Variants in ARRB1 observed in about 807,000 individuals in gnomAD.
ARRB1 encodes the protein arrestin beta 1, also known as beta-arrestin-1.
Under a neutral mutation model 56.8 loss-of-function variants are expected in ARRB1, and 21 were observed. The observed-to-expected ratio is 0.37, with a 90% CI of 0.26 to 0.53. The LOEUF (loss-of-function observed/expected upper bound fraction) is 0.53, where lower values mean the gene tolerates loss of function less well. Ranked by LOEUF, ARRB1 falls within the 20% of genes least tolerant of loss-of-function variation. ARRB1 has a pLI of 0.88. For missense variants in ARRB1, 424 were observed against 553.7 expected (o/e 0.77, Z 2.35); for synonymous variants, 210 against 218.6 (o/e 0.96, Z 0.35).
At chr11:75,350,964 G>T (rs867134901) in intron 1 of ARRB1, among the ~76,000 whole-genome samples, 1 of 152,194 alleles carries the variant, frequency 6.6e-6, no homozygotes. Context: ...GTGGCCTTGC[G>T]CTCCGCTGTG....
At chr11:75,286,150 T>C (rs1946466432) in intron 3 of ARRB1, among the ~76,000 whole-genome samples, 2 of 151,540 alleles carry the variant, frequency 1.3e-5, no homozygotes, top group Non-Finnish European at 2.9e-5. Flanking sequence ...CCGGGCTCGC[T>C]TCCTTGGCTC....
Position 75,284,393 on chromosome 11 carries a change from G to A in ARRB1, c.113-114C>T, listed in dbSNP as rs1457003988. On this transcript the variant is annotated intron_variant, in intron 3 of 15. Transcript: ENST00000420843. ...CCATCTGTTCATCTAAAATCATCCT[G>A]AGAAAAATGGAAAGGCGGGCACCTA... 9.0e-6 allele frequency: 10 copies of A among 1,107,450 alleles called. No individual in the cohort carries two copies. In the African/African-American group the frequency reaches 1.2e-4, roughly 14 times the overall value. The allele number at this position is 1,107,450 out of a possible 1,614,324, so 68.6% of individuals were successfully genotyped here.
chr11:75,289,647 T>TC (rs1946558555), intron 2 of ARRB1, among the ~76,000 whole-genome samples: 2 of 152,054 alleles, frequency 1.3e-5, no homozygotes, highest in African/African-American at 4.8e-5. Flanking sequence ...GCTAAGGAGG[T>TC]GACGCTAGGG....
intron 1 of ARRB1, among the ~76,000 whole-genome samples, chr11:75,324,725 C>T (rs978985888): frequency 1.3e-5 from 2 of 152,216 alleles, no homozygotes; most frequent in Non-Finnish European, 2.9e-5. Context: ...GGCCCCTTCC[C>T]TTTCTGCTGC....
chr11:75,330,391 T>G (rs1947503414), intron 1 of ARRB1, among the ~76,000 whole-genome samples: 1 of 144,592 alleles, frequency 6.9e-6, no homozygotes, highest in African/African-American at 2.5e-5. Flanking sequence ...CACACCACCC[T>G]GATCCTCTAA....
At position 75,283,353 on chromosome 11, in the gene ARRB1, G is replaced by C; in HGVS notation, c.288C>G (p.Pro96=). ...TGAGGCGTTCCTGCAGCCGCGTCAG[G>C]GGCTTCTTGTCCTCGGGGGCCGGTG... ...SFPPAPEDKK[P]LTRLQERLIK... Residue 96 remains proline, a synonymous_variant, in exon 5 of 16, where the codon CCC becomes CCG. Transcript: ENST00000420843. 1 of 1,614,168 alleles carries C rather than the reference G, an allele frequency of 6.2e-7. No individual in the cohort carries two copies. The highest frequency in any genetic ancestry group is 1.1e-5 in the South Asian group (1 of 91,078).
Position 75,266,040 on chromosome 11 carries a change from C to CG in ARRB1, c.*122dup. ...TTCATCACCGTGATCTGGAAGCCCACGGGGCCCCCTGGTAGAAACTGGAAG... is the reference window on the plus strand; with the variant it reads ...TTCATCACCGTGATCTGGAAGCCCACGGGGGCCCCCTGGTAGAAACTGGAAG... On this transcript the variant is annotated 3_prime_UTR_variant, in exon 16 of 16. Coordinates refer to ENST00000420843, the MANE Select transcript of ARRB1 (RefSeq NM_004041.5). The CG allele has an allele frequency of 1.2e-6, 1 of 841,510 alleles. No homozygotes were observed. Among genetic ancestry groups the CG allele is most frequent in the Non-Finnish European group, 1.9e-6 (1 of 525,796 alleles). The allele number at this position is 841,510 out of a possible 1,614,324, so 52.1% of individuals were successfully genotyped here.
intron 1 of ARRB1, among the ~76,000 whole-genome samples, chr11:75,300,259 C>A (rs1946869232): frequency 6.6e-6 from 1 of 151,666 alleles, no homozygotes; most frequent in Non-Finnish European, 1.5e-5. Flanking sequence ...TCCAGGTTAT[C>A]CAGGAGAGAA....
At chr11:75,267,535 C>G (rs1196971209) in intron 15 of ARRB1, 117 bp downstream of exon 15, 3 of 1,062,522 alleles carry the variant, frequency 2.8e-6, no homozygotes, top group Non-Finnish European at 4.2e-6. Flanking sequence ...TGGCTCTCAG[C>G]AGACGGGGTT....
At chr11:75,300,933 A>T (rs1294405862) in intron 1 of ARRB1, among the ~76,000 whole-genome samples, 1 of 140,202 alleles carries the variant, frequency 7.1e-6, no homozygotes, top group Non-Finnish European at 1.5e-5. Flanking sequence ...GCGCCACTGC[A>T]CTCCAGCCTG....
At chr11:75,267,101 A>T (rs1214096263) in intron 15 of ARRB1, among the ~76,000 whole-genome samples, 1 of 152,128 alleles carries the variant, frequency 6.6e-6, no homozygotes, top group Non-Finnish European at 1.5e-5. Context: ...CTCCTGGGGG[A>T]CAAGGGAAGA....
chr11:75,281,503 C>G, intron 6 of ARRB1: 1 of 346,662 alleles, frequency 2.9e-6, no homozygotes, highest in Non-Finnish European at 5.3e-6. Flanking sequence ...GGTGGCTTAT[C>G]CGGTATTCCT....
chr11:75,334,936 TTTTGTTTG>T (rs1261333908), intron 1 of ARRB1, among the ~76,000 whole-genome samples: 1 of 151,430 alleles, frequency 6.6e-6, no homozygotes, highest in Admixed American at 6.6e-5. Flanking sequence ...AAGGTTTTTT[TTTTGTTTG>T]TTTGTTTGTT....
At chr11:75,301,906 G>A (rs1368929496) in intron 1 of ARRB1, among the ~76,000 whole-genome samples, 1 of 152,182 alleles carries the variant, frequency 6.6e-6, no homozygotes, top group East Asian at 1.9e-4. Flanking sequence ...GAGGCAGGAA[G>A]GCAAGAAATG....
intron 1 of ARRB1, among the ~76,000 whole-genome samples, chr11:75,334,306 C>CAAAAA (rs11403871): frequency 1.3e-4 from 14 of 109,580 alleles, no homozygotes; most frequent in African/African-American, 1.4e-4. Flanking sequence ...CCGTCTCAAA[C>CAAAAA]AAAAAAAAAA....
chr11:75,293,527 C>T (rs1044142211), intron 1 of ARRB1, among the ~76,000 whole-genome samples: 8 of 152,210 alleles, frequency 5.3e-5, no homozygotes, highest in Non-Finnish European at 1.0e-4. Flanking sequence ...CAAGCACACA[C>T]GTCCAAGACT....
intron 5 of ARRB1, among the ~76,000 whole-genome samples, chr11:75,282,694 G>A (rs181399044): frequency 5.3e-5 from 8 of 152,282 alleles, no homozygotes; most frequent in South Asian, 2.1e-4. Context: ...AATTGCTGCC[G>A]AGTTTGTGGC....
At position 75,278,594 on chromosome 11, in the gene ARRB1, G is replaced by A. The variant is rs199718466; in HGVS notation, c.618+15C>T. 2 of 1,613,892 alleles carry A rather than the reference G, an allele frequency of 1.2e-6. No individual in the cohort carries two copies. Among genetic ancestry groups the A allele is most frequent in the East Asian group, 2.2e-5 (1 of 44,872 alleles). ...TGGAGCAGCCCCCACCCCCTGCCAA[G>A]TCCGAGCCTCCTACCTCCTTATCCA... On this transcript the variant is annotated intron_variant, in intron 8 of 15. Coordinates refer to ENST00000420843, the MANE Select transcript of ARRB1 (RefSeq NM_004041.5).
At chr11:75,267,762 C>A in intron 14 of ARRB1, 59 bp from the exon 15 acceptor site, 1 of 1,498,284 alleles carries the variant, frequency 6.7e-7, no homozygotes. Context: ...GAGCACGGGG[C>A]GAGTAAGCAC....
Sources: allele counts gnomAD v4.1 joint callset (sites outside exome capture counted in the v4.1 genomes callset), GRCh38; gene constraint gnomAD v4.1.1; transcripts MANE v1.5; gene names NCBI Gene and HGNC (gene_info 2026-07-23, HGNC 2026-07-21).